BRMS1L: variants seen among roughly 807,000 people sequenced by gnomAD.
BRMS1L encodes BRMS1 like transcriptional repressor.
Under a neutral mutation model 50.3 loss-of-function variants are expected in BRMS1L, and 23 were observed. That is an observed-to-expected ratio of 0.46 (90% CI 0.33 to 0.65). BRMS1L has a LOEUF of 0.65. BRMS1L is among the 30% of genes least tolerant of loss of function. The pLI is 0.02. For synonymous variants in BRMS1L, 114 were observed against 126.9 expected (o/e 0.90, Z 0.69); for missense variants, 286 against 386.1 (o/e 0.74, Z 2.17).
At chr14:35,851,276 C>T (rs771636322) in intron 4 of BRMS1L, among the ~76,000 whole-genome samples, 1 of 151,716 alleles carries the variant, frequency 6.6e-6, no homozygotes, top group Non-Finnish European at 1.5e-5. Context: ...TGAATAAACT[C>T]TGCTACATTC....
At chr14:35,869,732 G>A (rs2078464463) in intron 9 of BRMS1L, among the ~76,000 whole-genome samples, 1 of 152,048 alleles carries the variant, frequency 6.6e-6, no homozygotes, top group South Asian at 2.1e-4. Context: ...TGTAGTCTCA[G>A]CTACTTGGGA....
chr14:35,868,890 A>G (rs969768956), intron 9 of BRMS1L, among the ~76,000 whole-genome samples: 11 of 152,200 alleles, frequency 7.2e-5, no homozygotes, highest in South Asian at 6.2e-4. Context: ...AACTATTTGT[A>G]TAGCCTTCTA....
chr14:35,826,419 CGGTGGCT>C lies in BRMS1L; in HGVS notation c.-95_-89del. 6.6e-7 allele frequency: 1 copy of C among 1,526,524 alleles called. No individual in the cohort carries two copies. Among genetic ancestry groups the C allele is most frequent in the Non-Finnish European group, 8.8e-7 (1 of 1,134,448 alleles). 94.6% of individuals were successfully genotyped at this position (1,526,524 alleles called of 1,614,324 possible). On this transcript the variant is annotated 5_prime_UTR_variant, in exon 1 of 10. Transcript: ENST00000216807. ...GAGGAGCCAAGGGGGCGAGCAAGCT[CGGTGGCT>C]GGGTGGGTTGGGGCGTTCCGCGCGC...
At chr14:35,849,754 C>G (rs2078184648) in intron 4 of BRMS1L, among the ~76,000 whole-genome samples, 1 of 151,762 alleles carries the variant, frequency 6.6e-6, no homozygotes, top group African/African-American at 2.4e-5. Flanking sequence ...CTATTCAAGT[C>G]TTTTGCCCAT....
Position 35,830,786 on chromosome 14 carries a change from T to C in BRMS1L, c.143-624T>C, listed in dbSNP as rs529763508. ...CATTTTGGTGCTACATTCTGGTGAG[T>C]TGGTGGAAAACAAACCAAATGTGGG... On this transcript the variant is annotated intron_variant, in intron 1 of 9. Coordinates refer to ENST00000216807, the MANE Select transcript of BRMS1L (RefSeq NM_032352.4). 2.6e-5 allele frequency among the ~76,000 whole-genome samples: 4 copies of C among 152,196 alleles called. No individual in the cohort carries two copies. The South Asian group carries it at 6.2e-4, about 24-fold the overall frequency.
chr14:35,840,726 A>T (rs2078052392), intron 4 of BRMS1L, among the ~76,000 whole-genome samples: 1 of 151,828 alleles, frequency 6.6e-6, no homozygotes, highest in African/African-American at 2.4e-5. Context: ...TCCCCTTTAT[A>T]ATTTTTTGTT....
At chr14:35,844,209 T>C (rs1455382350) in intron 4 of BRMS1L, among the ~76,000 whole-genome samples, 1 of 152,160 alleles carries the variant, frequency 6.6e-6, no homozygotes, top group Non-Finnish European at 1.5e-5. Context: ...TCTTTCTCGC[T>C]GGTGTTCCAG....
At chr14:35,831,231 C>T (rs771045984) in intron 1 of BRMS1L, among the ~76,000 whole-genome samples, 179 bp from the exon 2 acceptor site, 21 of 152,178 alleles carry the variant, frequency 1.4e-4, no homozygotes, top group Non-Finnish European at 2.6e-4. Context: ...TGAGCCACTA[C>T]GCCCAGCAGA....
At chr14:35,828,198 A>G (rs2142034065) in intron 1 of BRMS1L, among the ~76,000 whole-genome samples, 1 of 151,924 alleles carries the variant, frequency 6.6e-6, no homozygotes. Context: ...TTTGAGATGG[A>G]GTCTCGCTCT....
chr14:35,849,381 A>G (rs1332718731), intron 4 of BRMS1L, among the ~76,000 whole-genome samples: 1 of 152,164 alleles, frequency 6.6e-6, no homozygotes, highest in Non-Finnish European at 1.5e-5. Flanking sequence ...TCAAACTCCC[A>G]GGCTCAAGCA....
At position 35,860,660 on chromosome 14, in the gene BRMS1L, A is replaced by G. The variant is rs535585497; in HGVS notation, c.442-1930A>G. Among the ~76,000 whole-genome samples the G allele has an allele frequency of 1.6e-4, 25 of 152,164 alleles. No homozygotes were observed. In the South Asian group the frequency reaches 4.8e-3, roughly 29 times the overall value. ...GCCTATGAAAATCTTCCAGGGCTCCAGTCCTGATAGAAGTTGAGAATTGTG... is the reference window on the plus strand; with the variant it reads ...GCCTATGAAAATCTTCCAGGGCTCCGGTCCTGATAGAAGTTGAGAATTGTG... On this transcript the variant is annotated intron_variant, in intron 4 of 9. Transcript: ENST00000216807.
chr14:35,826,503 G>C lies in BRMS1L; in HGVS notation c.-14G>C. 4.5e-6 allele frequency: 7 copies of C among 1,572,012 alleles called. No individual in the cohort carries two copies. Among genetic ancestry groups the C allele is most frequent in the Non-Finnish European group, 6.0e-6 (7 of 1,158,814 alleles). ...CTGGGCGCCGGTAGTGGAAAGCGACGGCGCGGCTGGAAAATGCCAGTCCAT... is the reference window on the plus strand; with the variant it reads ...CTGGGCGCCGGTAGTGGAAAGCGACCGCGCGGCTGGAAAATGCCAGTCCAT... On this transcript the variant is annotated 5_prime_UTR_variant, in exon 1 of 10. Coordinates refer to ENST00000216807, the MANE Select transcript of BRMS1L (RefSeq NM_032352.4).
At chr14:35,867,873 T>C (rs775405846) in intron 8 of BRMS1L, 33 bp from the exon 9 acceptor site, 4 of 1,536,742 alleles carry the variant, frequency 2.6e-6, no homozygotes, top group South Asian at 2.6e-5. Context: ...CAGTGTTTTA[T>C]TAATATAACA....
chr14:35,832,566 T>C (rs2077936656), intron 2 of BRMS1L, among the ~76,000 whole-genome samples: 1 of 152,002 alleles, frequency 6.6e-6, no homozygotes, highest in South Asian at 2.1e-4. Flanking sequence ...TCAGGAACGG[T>C]AGAGAGAAGC....
In BRMS1L at chr14:35,868,047, G is replaced by T. The variant is rs760895557; in HGVS notation, c.854+15G>T. On this transcript the variant is annotated intron_variant, in intron 9 of 9. Transcript: ENST00000216807. ...TGTCCTACAAGGTAAAAAAGCCTTT[G>T]TTATTTCAGTGTTGCTCAGTATTGT... 1.4e-5 allele frequency: 22 copies of T among 1,579,334 alleles called. No homozygotes were observed. Among genetic ancestry groups the T allele is most frequent in the Non-Finnish European group, 1.7e-5 (20 of 1,169,102 alleles).
Position 35,863,923 on chromosome 14 carries a change from C to T in BRMS1L, c.592C>T (p.Pro198Ser). ...SRKKRKDPFS[P>S]DKKKPVVVSG... Reference sequence around the variant, plus strand: ...AAAAAAGAGGAAGGATCCTTTCAGTCCTGACAAAAAGAAGCCAGTTGTTGT... The same window carrying T: ...AAAAAAGAGGAAGGATCCTTTCAGTTCTGACAAAAAGAAGCCAGTTGTTGT... The change falls in exon 6 of 10, where the codon CCT (proline) becomes TCT (serine). Residue 198 changes from proline (P) to serine (S), a missense_variant. Transcript: ENST00000216807. The T allele has an allele frequency of 1.2e-6, 2 of 1,613,972 alleles. No individual in the cohort carries two copies. The highest frequency in any genetic ancestry group is 1.7e-6 in the Non-Finnish European group (2 of 1,179,950).
chr14:35,865,615 G>A, intron 7 of BRMS1L, 107 bp from the exon 8 acceptor site: 1 of 840,792 alleles, frequency 1.2e-6, no homozygotes, highest in South Asian at 1.7e-5. Flanking sequence ...TACTGTCTTT[G>A]TTATGGAGTT....
intron 1 of BRMS1L, chr14:35,826,866 G>A (rs895601171): frequency 2.9e-6 from 2 of 683,592 alleles, no homozygotes; most frequent in Non-Finnish European, 4.6e-6. Flanking sequence ...GGCGGGGCGG[G>A]CCTGGGCTTG....
At chr14:35,868,183 G>A (rs2078445359) in intron 9 of BRMS1L, 151 bp downstream of exon 9, 2 of 604,418 alleles carry the variant, frequency 3.3e-6, no homozygotes, top group Non-Finnish European at 5.2e-6. Flanking sequence ...TTACATGTGT[G>A]TACAGCAGTG....
Sources: allele counts gnomAD v4.1 joint callset (sites outside exome capture counted in the v4.1 genomes callset), GRCh38; gene constraint gnomAD v4.1.1; transcripts MANE v1.5; gene names NCBI Gene and HGNC (gene_info 2026-07-23, HGNC 2026-07-21).